The following PRAG1 variants were observed in gnomAD, a reference collection of about 807,000 sequenced individuals.
The protein encoded by PRAG1 is PEAK1 related, kinase-activating pseudokinase 1.
A neutral mutation model predicts 95.6 loss-of-function variants in PRAG1; 110 were observed. The observed-to-expected ratio is 1.15, with a 90% confidence interval of 0.99 to 1.35. The LOEUF (loss-of-function observed/expected upper bound fraction) is 1.35. PRAG1 is among the 40% of genes most tolerant of loss of function. The probability of loss-of-function intolerance (pLI) is 0.00; values close to 1 mark genes in which losing one functional copy is unlikely to be tolerated. For synonymous variants in PRAG1, 1,052 were observed against 819.4 expected (o/e 1.28, Z -4.85); for missense variants, 2,554 against 1,864.7 (o/e 1.37, Z -6.81).
At chr8:8,365,327 G>A (rs922743097) in intron 3 of PRAG1, among the ~76,000 whole-genome samples, 2 of 152,042 alleles carry the variant, frequency 1.3e-5, no homozygotes, top group African/African-American at 4.8e-5. Flanking sequence ...CCTGGGCACT[G>A]AAAATCAATA....
At chr8:8,362,296 G>A (rs955738305) in intron 3 of PRAG1, among the ~76,000 whole-genome samples, 5 of 152,314 alleles carry the variant, frequency 3.3e-5, no homozygotes, top group Admixed American at 2.6e-4. Context: ...ATCCACACAA[G>A]CAACACCGCA....
intron 3 of PRAG1, among the ~76,000 whole-genome samples, chr8:8,346,079 A>C (rs748371239): frequency 6.6e-6 from 1 of 152,242 alleles, no homozygotes; most frequent in Non-Finnish European, 1.5e-5. Context: ...TGAGCCCTAA[A>C]GGATTGTTCT....
In PRAG1 at chr8:8,328,456, AG is replaced by A. The variant is rs2117117434; in HGVS notation, c.2325del (p.Ser776ArgfsTer45). 1.2e-6 allele frequency: 2 copies of A among 1,613,382 alleles called. No individual in the cohort carries two copies. Among genetic ancestry groups the A allele is most frequent in the Non-Finnish European group, 1.7e-6 (2 of 1,179,976 alleles). On this transcript the variant is annotated frameshift_variant, in exon 5 of 6. Transcript: ENST00000615670. LOFTEE classifies it high-confidence loss of function. Reference sequence around the variant, plus strand: ...GTGGGCGAGTGAGCCAGCTCAGACGAGGGACCTGAAGAGGAGAGACAGAAAC... The same window carrying A: ...GTGGGCGAGTGAGCCAGCTCAGACGAGGACCTGAAGAGGAGAGACAGAAAC... ...SDSRTCSDGG[P>X]SSELAHSPTN...
Position 8,318,450 on chromosome 8 carries a change from CCAGTAGCAGATGTGCCAG to C in PRAG1, c.3907_3924del (p.Leu1303_Leu1308del). The C allele has an allele frequency of 1.9e-6, 3 of 1,612,454 alleles. No homozygotes were observed. Among genetic ancestry groups the C allele is most frequent in the Non-Finnish European group, 2.5e-6 (3 of 1,179,808 alleles). Reference sequence around the variant, plus strand: ...CGGATACGCTTGATGGGGTCGGCCTCCAGTAGCAGATGTGCCAGCTGCTGCAGGCCGGGTGAGTAGAGG... The same window carrying C: ...CGGATACGCTTGATGGGGTCGGCCTCCTGCTGCAGGCCGGGTGAGTAGAGG... On this transcript the variant is annotated inframe_deletion, in exon 6 of 6. Coordinates refer to ENST00000615670, the MANE Select transcript of PRAG1 (RefSeq NM_001080826.3). The surrounding 1 kb of genome is among the most constrained non-coding windows in gnomAD (Gnocchi z 4.2).
chr8:8,325,709 G>C (rs903163089), intron 5 of PRAG1, among the ~76,000 whole-genome samples: 6 of 152,048 alleles, frequency 3.9e-5, no homozygotes, highest in African/African-American at 7.2e-5. Flanking sequence ...AGGAGTTCGA[G>C]ACCAGCCTGG....
At chr8:8,328,526 A>C in intron 4 of PRAG1, 65 bp from the exon 5 acceptor site, 5 of 1,414,680 alleles carry the variant, frequency 3.5e-6, no homozygotes, top group Non-Finnish European at 3.8e-6. Flanking sequence ...GGTCCTGCAG[A>C]CTTGTTTCCC....
At chr8:8,366,687 C>CTT (rs145953960) in intron 3 of PRAG1, among the ~76,000 whole-genome samples, 8 of 150,828 alleles carry the variant, frequency 5.3e-5, no homozygotes, top group Admixed American at 2.6e-4. Context: ...TTATTTTTAT[C>CTT]TTTTTTTTTG....
In PRAG1 at chr8:8,318,613, C is replaced by T; in HGVS notation, c.3762G>A (p.Glu1254=). The change falls in exon 6 of 6, where the codon GAG becomes GAA. Residue 1254 remains glutamate (E), a synonymous_variant. Coordinates refer to ENST00000615670, the MANE Select transcript of PRAG1 (RefSeq NM_001080826.3). The surrounding 1 kb of genome is among the most constrained non-coding windows in gnomAD (Gnocchi z 4.2). ...CGTAGATGAGGATGCCTGTCTGGAA[C>T]TCATCGAACTTGCGGTACTGGGAAG... ...VSASQYRKFD[E]FQTGILIYEL... The T allele has an allele frequency of 6.2e-7, 1 of 1,613,154 alleles. No homozygotes were observed. The highest frequency in any genetic ancestry group is 8.5e-7 in the Non-Finnish European group (1 of 1,179,884).
rs1798678326 is a variant in PRAG1 at position 8,327,791 on chromosome 8, GT to G, written c.2990del (p.Asn997ThrfsTer27). ...NNWSLFKLTC[N>X]KPCCDSGDAI... ...CATCCCCCGAGTCACAGCAGGGCTT[GT>G]TACAAGTCAGCTTGAAGAGCGACCA... On this transcript the variant is annotated frameshift_variant, in exon 5 of 6. Transcript: ENST00000615670. LOFTEE classifies it high-confidence loss of function. The G allele has an allele frequency of 6.2e-7, 1 of 1,614,206 alleles. No homozygotes were observed. Among genetic ancestry groups the G allele is most frequent in the Non-Finnish European group, 8.5e-7 (1 of 1,180,046 alleles).
At chr8:8,353,438 A>T (rs1422790381) in intron 3 of PRAG1, among the ~76,000 whole-genome samples, 6 of 152,222 alleles carry the variant, frequency 3.9e-5, no homozygotes, top group Admixed American at 3.9e-4. Context: ...ATAATGAAAC[A>T]ACATGCTCCC....
chr8:8,373,454 A>ATTGTTTTTTTTGTTTTT (rs1470559658), intron 3 of PRAG1, among the ~76,000 whole-genome samples: 1 of 138,342 alleles, frequency 7.2e-6, no homozygotes, highest in African/African-American at 2.8e-5. Context: ...TATTTTCTAG[A>ATTGTTTTTTTTGTTTTT]TTTTTTTTTT....
At chr8:8,341,457 G>A (rs1208365564) in intron 3 of PRAG1, among the ~76,000 whole-genome samples, 6 of 152,138 alleles carry the variant, frequency 3.9e-5, no homozygotes, top group African/African-American at 1.4e-4. Context: ...TCAATACTAA[G>A]CGTATATTTA....
chr8:8,368,179 G>A (rs1223185147), intron 3 of PRAG1, among the ~76,000 whole-genome samples: 2 of 152,202 alleles, frequency 1.3e-5, no homozygotes, highest in Non-Finnish European at 2.9e-5. Context: ...TAGGTATACT[G>A]GAGAGAAAAT....
chr8:8,386,080 C>T (rs779446163), intron 1 of PRAG1, among the ~76,000 whole-genome samples: 1 of 152,200 alleles, frequency 6.6e-6, no homozygotes, highest in Non-Finnish European at 1.5e-5. Context: ...TTAAAGAGCG[C>T]GATTCTCGAA....
intron 3 of PRAG1, among the ~76,000 whole-genome samples, chr8:8,356,513 T>A (rs1799688111): frequency 6.6e-6 from 1 of 152,060 alleles, no homozygotes; most frequent in East Asian, 1.9e-4. Flanking sequence ...GCCCAGCTAA[T>A]TTTTTTGTAT....
At chr8:8,360,258 T>C (rs1799803707) in intron 3 of PRAG1, among the ~76,000 whole-genome samples, 1 of 152,208 alleles carries the variant, frequency 6.6e-6, no homozygotes, top group African/African-American at 2.4e-5. Context: ...CTCCCACATC[T>C]GTAACATCTG....
At position 8,377,806 on chromosome 8, in the gene PRAG1, G is replaced by A; in HGVS notation, c.603C>T (p.Pro201=). Reference sequence around the variant, plus strand: ...TCTGGCGGAAGCTCTCCTGGGTGGAGGGCCGGTCTTGGTAAGGAAATGAGG... The same window carrying A: ...TCTGGCGGAAGCTCTCCTGGGTGGAAGGCCGGTCTTGGTAAGGAAATGAGG... ...EKPSFPYQDR[P]STQESFRQKL... Residue 201 remains proline (P), a synonymous_variant, in exon 3 of 6, where the codon CCC becomes CCT. Coordinates refer to ENST00000615670, the MANE Select transcript of PRAG1 (RefSeq NM_001080826.3). 6.2e-7 allele frequency: 1 copy of A among 1,614,174 alleles called. No individual in the cohort carries two copies. Among genetic ancestry groups the A allele is most frequent in the Non-Finnish European group, 8.5e-7 (1 of 1,180,048 alleles).
chr8:8,350,340 C>T (rs2116864840), intron 3 of PRAG1, among the ~76,000 whole-genome samples: 1 of 152,290 alleles, frequency 6.6e-6, no homozygotes, highest in South Asian at 2.1e-4. Flanking sequence ...TTGGCTCCAT[C>T]ACCCCTGTAC....
In PRAG1 at chr8:8,327,912, C is replaced by T; in HGVS notation, c.2870G>A (p.Gly957Glu). 1.9e-6 allele frequency: 3 copies of T among 1,613,904 alleles called. No individual in the cohort carries two copies. The highest frequency in any genetic ancestry group is 2.2e-5 in the South Asian group (2 of 91,064). ...GCGGGCCAGGGACTGGGTGTAGAGT[C>T]CCCCCAGCTTGGCATAGGTGCCCTC... ...SKEGTYAKLG[G>E]LYTQSLARLV... The change falls in exon 5 of 6, where the codon GGA (glycine) becomes GAA (glutamate). Residue 957 changes from glycine (G) to glutamate (E), a missense_variant. Transcript: ENST00000615670.
Sources: allele counts gnomAD v4.1 joint callset (sites outside exome capture counted in the v4.1 genomes callset), GRCh38; gene constraint gnomAD v4.1.1; non-coding constraint Gnocchi (gnomAD v3.1); transcripts MANE v1.5; gene names NCBI Gene and HGNC (gene_info 2026-07-23, HGNC 2026-07-21).